The following RPS6KA2 variants were observed in gnomAD, a reference collection of about 807,000 sequenced individuals.
The protein encoded by RPS6KA2 is ribosomal protein S6 kinase A2.
Under a neutral mutation model 91.8 loss-of-function variants are expected in RPS6KA2, and 42 were observed. That is an observed-to-expected ratio of 0.46 (90% confidence interval 0.36 to 0.59). The LOEUF (loss-of-function observed/expected upper bound fraction) is 0.59, where lower values mean the gene tolerates loss of function less well. RPS6KA2 is among the 20% of genes least tolerant of loss of function. The probability of loss-of-function intolerance (pLI) is 0.00; values close to 1 mark genes in which losing one functional copy is unlikely to be tolerated. For synonymous variants in RPS6KA2, 414 were observed against 393.6 expected (o/e 1.05, Z -0.61); for missense variants, 798 against 978.5 (o/e 0.82, Z 2.46).
intron 2 of RPS6KA2, among the ~76,000 whole-genome samples, chr6:166,773,105 A>G (rs572282027): frequency 7.2e-5 from 11 of 152,306 alleles, no homozygotes; most frequent in Admixed American, 7.2e-4. Flanking sequence ...GAACAGGGGC[A>G]GCTTCCAGCT....
chr6:166,549,102 G>T (rs1783916677), intron 1 of RPS6KA2, among the ~76,000 whole-genome samples: 1 of 152,220 alleles, frequency 6.6e-6, no homozygotes, highest in Non-Finnish European at 1.5e-5. Flanking sequence ...CATCAGAGAA[G>T]TGGAGAGCCG....
At chr6:166,547,191 C>T (rs373025201) in intron 1 of RPS6KA2, among the ~76,000 whole-genome samples, 3 of 152,302 alleles carry the variant, frequency 2.0e-5, no homozygotes, top group South Asian at 4.1e-4. Context: ...AGGCCGGTGA[C>T]GTGCGTCCTC....
rs1458559390 is a variant in RPS6KA2, at chr6:166,642,737, C to G, written c.124-103953G>C. On this transcript the variant is annotated intron_variant, in intron 2 of 21. Coordinates refer to the RPS6KA2 transcript ENST00000503859. ...AGTAAGAAAGCAGGAAAAAAGACAC[C>G]TGGAAAAAGCAGGATAAGTAAAAAA... 2.6e-5 allele frequency among the ~76,000 whole-genome samples: 4 copies of G among 151,336 alleles called. No homozygotes were observed. The East Asian group carries it at 5.8e-4, about 22-fold the overall frequency.
intron 10 of RPS6KA2, among the ~76,000 whole-genome samples, chr6:166,485,381 G>A (rs956262280): frequency 6.6e-6 from 1 of 152,312 alleles, no homozygotes; most frequent in South Asian, 2.1e-4. Context: ...TCTAAGGCAG[G>A]CGTGTCCTGA....
chr6:166,627,514 C>G (rs571175410), upstream of RPS6KA2: 1 of 153,428 alleles, frequency 6.5e-6, no homozygotes, highest in East Asian at 1.9e-4. Context: ...GTGCCCATCC[C>G]TCCTCCTCTT....
At chr6:166,688,332 C>G (rs1222161457) in intron 2 of RPS6KA2, among the ~76,000 whole-genome samples, 1 of 152,134 alleles carries the variant, frequency 6.6e-6, no homozygotes, top group African/African-American at 2.4e-5. Context: ...TGCACAGGGC[C>G]CCCGCCAGGG....
rs569064427 is a variant in RPS6KA2 at position 166,693,727 on chromosome 6, G to A, written c.124-154943C>T. ...GTGCCACCAATTTGAAACTCTAGCCGTGTCCACTAGGTTTTTGTCCTGGGC... is the reference window on the plus strand; with the variant it reads ...GTGCCACCAATTTGAAACTCTAGCCATGTCCACTAGGTTTTTGTCCTGGGC... On this transcript the variant is annotated intron_variant, in intron 2 of 21. Transcript: ENST00000503859. 9.9e-5 allele frequency among the ~76,000 whole-genome samples: 15 copies of A among 152,272 alleles called. No individual in the cohort carries two copies. The East Asian group carries it at 2.5e-3, about 25-fold the overall frequency.
chr6:166,588,950 T>C (rs572359202), intron 1 of RPS6KA2, among the ~76,000 whole-genome samples: 20 of 152,120 alleles, frequency 1.3e-4, no homozygotes, highest in East Asian at 7.7e-4. Flanking sequence ...GACTTCCAAA[T>C]TGGGGGGAGG....
rs377530586 is a variant in RPS6KA2, at chr6:166,577,057, T to G, written c.100-38273A>C. ...CTTCAGAGGGTGGAAGCCCTAAGCC[T>G]TGGCAGCTTCCATGTGGTGTTGAGC... On this transcript the variant is annotated intron_variant, in intron 1 of 20. Transcript: ENST00000265678. 1.5e-4 allele frequency among the ~76,000 whole-genome samples: 23 copies of G among 152,330 alleles called. 1 individual carries two copies. The South Asian group carries it at 4.8e-3, about 32-fold the overall frequency.
chr6:166,444,917 A>G (rs1459972985), intron 14 of RPS6KA2, among the ~76,000 whole-genome samples: 1 of 152,212 alleles, frequency 6.6e-6, no homozygotes, highest in East Asian at 1.9e-4. Context: ...GCAGGGACTC[A>G]AGTTAAAAAT....
At position 166,594,568 on chromosome 6, in the gene RPS6KA2, T is replaced by C. The variant is rs58325193; in HGVS notation, c.99+32353A>G. Among the ~76,000 whole-genome samples, 886 of 152,298 alleles carry C rather than the reference T, an allele frequency of 5.8e-3. 42 individuals carry two copies. The South Asian group carries it at 0.11, about 18-fold the overall frequency. ...AGCTCTGCCTCCCGGGTTCACGCCA[T>C]TCTCCTGCCTCAGCCTCCCCAGTAG... On this transcript the variant is annotated intron_variant, in intron 1 of 20. Coordinates refer to ENST00000265678, the MANE Select transcript of RPS6KA2 (RefSeq NM_021135.6).
intron 2 of RPS6KA2, chr6:166,701,690 C>T: frequency 7.6e-7 from 1 of 1,318,160 alleles, no homozygotes; most frequent in Admixed American, 1.7e-5. Context: ...GGTGGCATCC[C>T]TGAAGTGGGT....
At chr6:166,761,515 G>A (rs1258715941) in intron 2 of RPS6KA2, among the ~76,000 whole-genome samples, 1 of 152,238 alleles carries the variant, frequency 6.6e-6, no homozygotes, top group African/African-American at 2.4e-5. Context: ...TGACAGGTGA[G>A]CATCCACCTT....
At chr6:166,482,353 C>T (rs1239537996) in intron 10 of RPS6KA2, among the ~76,000 whole-genome samples, 5 of 152,162 alleles carry the variant, frequency 3.3e-5, no homozygotes, top group African/African-American at 1.2e-4. Flanking sequence ...CTATCGGGGC[C>T]CAAGAGCCAA....
chr6:166,475,846 A>G (rs75884599), intron 10 of RPS6KA2: 1 of 416,550 alleles, frequency 2.4e-6, no homozygotes, highest in Non-Finnish European at 4.6e-6. Context: ...TCACCTGCAG[A>G]GTGTAAGAGA....
At chr6:166,550,933 G>T (rs62440475) in intron 1 of RPS6KA2, among the ~76,000 whole-genome samples, 1 of 145,444 alleles carries the variant, frequency 6.9e-6, no homozygotes, top group East Asian at 2.1e-4. Flanking sequence ...CCTGGGAGGC[G>T]GAGGTTGCAG....
At chr6:166,534,434 C>T (rs1011979812) in intron 2 of RPS6KA2, among the ~76,000 whole-genome samples, 3 of 152,004 alleles carry the variant, frequency 2.0e-5, no homozygotes, top group African/African-American at 4.8e-5. Flanking sequence ...TGTGTTTGGA[C>T]GGTGCAGCCT....
intron 1 of RPS6KA2, among the ~76,000 whole-genome samples, chr6:166,560,278 T>C (rs1208315277): frequency 6.6e-6 from 1 of 152,256 alleles, no homozygotes; most frequent in East Asian, 1.9e-4. Flanking sequence ...CATATTTCAA[T>C]GCGCTTACAT....
intron 10 of RPS6KA2, among the ~76,000 whole-genome samples, chr6:166,473,535 A>G (rs1354322798): frequency 6.6e-6 from 1 of 152,070 alleles, no homozygotes; most frequent in Non-Finnish European, 1.5e-5. Flanking sequence ...CTTCTACTCC[A>G]TATTTTTCAC....
Sources: allele counts gnomAD v4.1 joint callset (sites outside exome capture counted in the v4.1 genomes callset), GRCh38; gene constraint gnomAD v4.1.1; transcripts MANE v1.5; gene names NCBI Gene and HGNC (gene_info 2026-07-23, HGNC 2026-07-21).